NF2: variants seen among roughly 807,000 people sequenced by gnomAD.
NF2 encodes NF2, moesin-ezrin-radixin like (MERLIN) tumor suppressor.
NF2 carries 8 observed loss-of-function variants against 83.7 expected under a neutral mutation model. The observed-to-expected ratio is 0.10, with a 90% CI of 0.06 to 0.17. The LOEUF (loss-of-function observed/expected upper bound fraction) is 0.17, where lower values mean the gene tolerates loss of function less well. Ranked by LOEUF, NF2 falls within the 10% of genes least tolerant of loss-of-function variation. The pLI is 1.00. For missense variants in NF2, 533 were observed against 744.4 expected (o/e 0.72, Z 3.31); for synonymous variants, 266 against 269.6 (o/e 0.99, Z 0.13).
intron 15 of NF2, among the ~76,000 whole-genome samples, chr22:29,685,941 C>T (rs2067258981): frequency 6.6e-6 from 1 of 150,712 alleles, no homozygotes; most frequent in East Asian, 2.1e-4. Context: ...ATAATTCTTA[C>T]TCGCTCGCTC....
intron 14 of NF2, among the ~76,000 whole-genome samples, chr22:29,678,933 A>G (rs2067047975): frequency 6.6e-6 from 1 of 152,234 alleles, no homozygotes; most frequent in Admixed American, 6.5e-5. Flanking sequence ...CCCACTGCAG[A>G]GGAAATCTAA....
intron 8 of NF2, 97 bp downstream of exon 8, chr22:29,661,436 A>G (rs1228726710): frequency 2.9e-5 from 45 of 1,542,326 alleles, no homozygotes; most frequent in South Asian, 7.8e-5. Context: ...CTTGTTATTC[A>G]TAGAGTCCTT....
At chr22:29,685,834 T>C (rs1042477460) in intron 15 of NF2, among the ~76,000 whole-genome samples, 6 of 152,214 alleles carry the variant, frequency 3.9e-5, no homozygotes, top group African/African-American at 7.2e-5. Flanking sequence ...GAGTTTGCCC[T>C]TAGGTTACCA....
intron 4 of NF2, among the ~76,000 whole-genome samples, chr22:29,650,820 C>G (rs1197046731): frequency 6.6e-6 from 1 of 152,190 alleles, no homozygotes; most frequent in Non-Finnish European, 1.5e-5. Context: ...CCAGACTGGT[C>G]TGGAACTCCT....
chr22:29,679,865 CAAAA>C, intron 14 of NF2, among the ~76,000 whole-genome samples: 1 of 117,302 alleles, frequency 8.5e-6, no homozygotes, highest in East Asian at 2.6e-4. Flanking sequence ...CACCCTGTCT[CAAAA>C]AAAAAAAAAA....
intron 2 of NF2, among the ~76,000 whole-genome samples, chr22:29,638,712 T>A (rs1041352444): frequency 5.3e-5 from 8 of 152,024 alleles, no homozygotes; most frequent in African/African-American, 1.9e-4. Flanking sequence ...AAAAAAGAAA[T>A]AAAGGAAGAT....
intron 7 of NF2, among the ~76,000 whole-genome samples, chr22:29,659,527 T>C (rs1309012784): frequency 6.6e-6 from 1 of 152,210 alleles, no homozygotes; most frequent in Non-Finnish European, 1.5e-5. Context: ...GTTTTTTGTG[T>C]GTGTTTCCTA....
chr22:29,656,613 T>C (rs1262150311), intron 6 of NF2, among the ~76,000 whole-genome samples: 1 of 151,790 alleles, frequency 6.6e-6, no homozygotes, highest in African/African-American at 2.4e-5. Flanking sequence ...GGGGTTTCAC[T>C]GTGTTAGCCG....
Position 29,695,320 on chromosome 22 carries a change from AGGGAG to A in NF2, c.*519_*523del. On this transcript the variant is annotated 3_prime_UTR_variant, in exon 16 of 16. Transcript: ENST00000338641. This position sits in a 1 kb window ranked among gnomAD's most constrained non-coding sequence, Gnocchi z 5.4. ...GCACGCCTGCCGGCTTCTCATCGTC[AGGGAG>A]CCCGCCCAGAGCTCGTGACGAGCAA... The A allele has an allele frequency of 3.7e-6, 1 of 273,956 alleles. No homozygotes were observed. The highest frequency in any genetic ancestry group is 7.1e-6 in the Non-Finnish European group (1 of 141,338). The allele number at this position is 273,956 out of a possible 1,614,324, so 17.0% of individuals were successfully genotyped here.
intron 1 of NF2, 113 bp downstream of exon 1, chr22:29,604,225 A>G (rs1569259974): frequency 1.2e-6 from 1 of 834,190 alleles, no homozygotes; most frequent in Non-Finnish European, 2.0e-6. Context: ...CGGAAGGGCC[A>G]ACTAGGCCCA....
At chr22:29,628,024 A>C (rs2065410343) in intron 1 of NF2, among the ~76,000 whole-genome samples, 1 of 152,206 alleles carries the variant, frequency 6.6e-6, no homozygotes, top group African/African-American at 2.4e-5. Flanking sequence ...TTCTGCTCAG[A>C]AGCCTCATCT....
At chr22:29,634,007 TG>T (rs930648931) in intron 1 of NF2, among the ~76,000 whole-genome samples, 7 of 152,178 alleles carry the variant, frequency 4.6e-5, no homozygotes, top group African/African-American at 1.7e-4. Context: ...TTTCAAACAC[TG>T]GTTACTTACT....
At chr22:29,654,594 C>T (rs577185744) in intron 4 of NF2, 63 bp from the exon 5 acceptor site, 2 of 1,396,936 alleles carry the variant, frequency 1.4e-6, no homozygotes, top group African/African-American at 2.8e-5. Flanking sequence ...TGGTCCAGCT[C>T]TGTTCAGAAA....
At chr22:29,654,266 T>C (rs1234501794) in intron 4 of NF2, among the ~76,000 whole-genome samples, 1 of 152,248 alleles carries the variant, frequency 6.6e-6, no homozygotes, top group Non-Finnish European at 1.5e-5. Context: ...ACCAGTCACT[T>C]ATAAGAATTT....
chr22:29,689,017 A>C (rs1439996558), intron 15 of NF2, among the ~76,000 whole-genome samples: 3 of 152,046 alleles, frequency 2.0e-5, no homozygotes, highest in Non-Finnish European at 4.4e-5. Context: ...TGTCTCTACT[A>C]AAAATACAAA....
chr22:29,678,490 A>T (rs1286439579), intron 14 of NF2, among the ~76,000 whole-genome samples, 167 bp downstream of exon 14: 1 of 152,144 alleles, frequency 6.6e-6, no homozygotes, highest in Non-Finnish European at 1.5e-5. Flanking sequence ...CTTAATCAGA[A>T]ATTAAGGACA....
chr22:29,608,249 G>T (rs937779252), intron 1 of NF2, among the ~76,000 whole-genome samples: 3 of 143,076 alleles, frequency 2.1e-5, no homozygotes, highest in Non-Finnish European at 3.0e-5. Flanking sequence ...CTCAATAACA[G>T]ATTTGAACTG....
rs772274240 is a variant in NF2, at chr22:29,636,832, T to A, written c.196T>A (p.Tyr66Asn). The A allele has an allele frequency of 9.3e-6, 15 of 1,614,034 alleles. No homozygotes were observed. The highest frequency in any genetic ancestry group is 1.3e-5 in the African/African-American group (1 of 74,908). The change falls in exon 2 of 16, where the codon TAC (tyrosine) becomes AAC (asparagine). Residue 66 changes from tyrosine to asparagine, a missense_variant. Transcript: ENST00000338641. This position sits in a 1 kb window ranked among gnomAD's most constrained non-coding sequence, Gnocchi z 4.4. ...AGAAACCTGGTTCTTTGGACTGCAG[T>A]ACACAATCAAGGACACAGTGGCCTG... ...LRETWFFGLQYTIKDTVAWLK... is the reference protein window; with the variant it reads ...LRETWFFGLQNTIKDTVAWLK...
intron 4 of NF2, among the ~76,000 whole-genome samples, chr22:29,646,853 G>GAACTGGTGGTGAA (rs2065995634): frequency 6.6e-6 from 1 of 152,104 alleles, no homozygotes; most frequent in Non-Finnish European, 1.5e-5. Context: ...AGACCAGCCT[G>GAACTGGTGGTGAA]ACCAATGTGG....
Sources: allele counts gnomAD v4.1 joint callset (sites outside exome capture counted in the v4.1 genomes callset), GRCh38; gene constraint gnomAD v4.1.1; non-coding constraint Gnocchi (gnomAD v3.1); transcripts MANE v1.5; gene names NCBI Gene and HGNC (gene_info 2026-07-23, HGNC 2026-07-21).